Variants in STK3 observed in about 807,000 individuals in gnomAD.
The protein encoded by STK3 is serine/threonine-protein kinase 3.
Under a neutral mutation model 58.0 loss-of-function variants are expected in STK3, and 41 were observed. The observed-to-expected ratio is 0.71, with a 90% CI of 0.55 to 0.92. The LOEUF (loss-of-function observed/expected upper bound fraction) is 0.92. Ranked by LOEUF, STK3 falls within the 40% of genes least tolerant of loss-of-function variation. The probability of loss-of-function intolerance (pLI) is 0.00; values close to 1 mark genes in which losing one functional copy is unlikely to be tolerated. For missense variants in STK3, 479 were observed against 602.7 expected (o/e 0.79, Z 2.15); for synonymous variants, 170 against 191.0 (o/e 0.89, Z 0.91).
chr8:98,743,146 C>T (rs1457269452), intron 4 of STK3, among the ~76,000 whole-genome samples: 1 of 151,842 alleles, frequency 6.6e-6, no homozygotes, highest in East Asian at 1.9e-4. Flanking sequence ...GTGAAAATGG[C>T]CATACTGCCC....
intron 6 of STK3, among the ~76,000 whole-genome samples, chr8:98,690,884 A>T (rs1824357075): frequency 6.6e-6 from 1 of 152,246 alleles, no homozygotes; most frequent in Non-Finnish European, 1.5e-5. Context: ...GGCATAAAAA[A>T]ATAATGGGAT....
chr8:98,681,283 C>G (rs1443829776), intron 6 of STK3, among the ~76,000 whole-genome samples: 1 of 151,952 alleles, frequency 6.6e-6, no homozygotes, highest in Non-Finnish European at 1.5e-5. Context: ...AGGCGTGAGC[C>G]ACTGCACCCG....
At chr8:98,687,003 T>G (rs758523953) in intron 6 of STK3, among the ~76,000 whole-genome samples, 1 of 152,198 alleles carries the variant, frequency 6.6e-6, no homozygotes, top group Non-Finnish European at 1.5e-5. Flanking sequence ...GAAAACATAT[T>G]TGAAGATAGA....
At chr8:98,499,878 G>T (rs1268866378) in intron 10 of STK3, among the ~76,000 whole-genome samples, 2 of 152,122 alleles carry the variant, frequency 1.3e-5, no homozygotes, top group Non-Finnish European at 2.9e-5. Flanking sequence ...AACTGAAATG[G>T]GTTGAGGCTT....
intron 1 of STK3, among the ~76,000 whole-genome samples, chr8:98,382,485 A>C (rs1383992106): frequency 6.6e-6 from 1 of 152,080 alleles, no homozygotes; most frequent in East Asian, 1.9e-4. Context: ...TGAGAGAAAA[A>C]GCCTTCCTTG....
chr8:98,358,954 T>C, the STK3 span, among the ~76,000 whole-genome samples: 1 of 152,064 alleles, frequency 6.6e-6, no homozygotes, highest in East Asian at 1.9e-4. Context: ...CACATGCTCA[T>C]GGAATCCAAG....
At chr8:98,820,629 A>C (rs2131729097) in intron 1 of STK3, among the ~76,000 whole-genome samples, 1 of 152,284 alleles carries the variant, frequency 6.6e-6, no homozygotes, top group South Asian at 2.1e-4. Flanking sequence ...TCTACCTATC[A>C]AAGCTGGACT....
chr8:98,362,620 C>T, the STK3 span, among the ~76,000 whole-genome samples: 1 of 152,206 alleles, frequency 6.6e-6, no homozygotes, highest in African/African-American at 2.4e-5. Context: ...AATGTCCATC[C>T]TTCCCCAGAT....
intron 8 of STK3, among the ~76,000 whole-genome samples, chr8:98,577,560 C>T (rs1225770452): frequency 5.3e-5 from 8 of 152,106 alleles, no homozygotes; most frequent in Non-Finnish European, 7.4e-5. Flanking sequence ...GAGACTACAA[C>T]ATAAAAGACA....
intron 10 of STK3, among the ~76,000 whole-genome samples, chr8:98,520,484 A>C (rs1456857153): frequency 6.6e-6 from 1 of 152,124 alleles, no homozygotes. Flanking sequence ...TGCCTTTCCG[A>C]ATAAGTTTTG....
intron 4 of STK3, among the ~76,000 whole-genome samples, chr8:98,714,569 T>C (rs998735524): frequency 1.6e-4 from 24 of 152,108 alleles, no homozygotes; most frequent in African/African-American, 5.6e-4. Flanking sequence ...GGAATCCAAC[T>C]TACAAGGGAC....
chr8:98,493,214 T>C (rs866717443), intron 10 of STK3, among the ~76,000 whole-genome samples: 5 of 119,768 alleles, frequency 4.2e-5, no homozygotes, highest in African/African-American at 6.6e-5. Flanking sequence ...TCCTGGGCAA[T>C]AGAGCAAGAC....
At chr8:98,747,619 T>C (rs1352506493) in intron 4 of STK3, among the ~76,000 whole-genome samples, 1 of 152,170 alleles carries the variant, frequency 6.6e-6, no homozygotes. Context: ...ATGGTACTCT[T>C]TTTGGATAAT....
chr8:98,472,847 C>T (rs1018344767), intron 10 of STK3, among the ~76,000 whole-genome samples: 1 of 151,690 alleles, frequency 6.6e-6, no homozygotes, highest in African/African-American at 2.4e-5. Flanking sequence ...CTAGCAAAAC[C>T]CACATAACAA....
intron 1 of STK3, among the ~76,000 whole-genome samples, chr8:98,786,890 A>T (rs183027085): frequency 6.6e-6 from 1 of 152,044 alleles, no homozygotes; most frequent in African/African-American, 2.4e-5. Context: ...TCCAAGGTCA[A>T]TGTGGTGCGG....
chr8:98,822,471 T>C (rs758272650), intron 1 of STK3, among the ~76,000 whole-genome samples: 6 of 152,080 alleles, frequency 3.9e-5, no homozygotes, highest in Admixed American at 6.6e-5. Context: ...ACCATCGCAG[T>C]AGGCCCTCAT....
Position 98,813,035 on chromosome 8 carries a change from TA to T in STK3, c.26+12479del, listed in dbSNP as rs11379449. On this transcript the variant is annotated intron_variant, in intron 1 of 10. Transcript: ENST00000419617. ...ATGTACCCTAGAACTTAAAGCACAA[TA>T]AAAAAAAAAAAAAGAAAGTGATGTG... Among the ~76,000 whole-genome samples the T allele has an allele frequency of 1.1e-3, 157 of 146,530 alleles. 1 individual carries two copies. The highest frequency in any genetic ancestry group is 3.0e-3 in the African/African-American group (119 of 40,108).
chr8:98,493,880 A>G (rs570164400), intron 10 of STK3, among the ~76,000 whole-genome samples: 1 of 152,348 alleles, frequency 6.6e-6, no homozygotes, highest in African/African-American at 2.4e-5. Context: ...CTAGTTATTC[A>G]GGTAATCTGG....
upstream of STK3, among the ~76,000 whole-genome samples, chr8:98,389,793 G>A (rs945668246): frequency 1.3e-5 from 2 of 150,572 alleles, no homozygotes; most frequent in Admixed American, 6.7e-5. Context: ...GTGAGATGAA[G>A]CTTCTATTTG....
Sources: allele counts gnomAD v4.1 joint callset (sites outside exome capture counted in the v4.1 genomes callset), GRCh38; gene constraint gnomAD v4.1.1; transcripts MANE v1.5; gene names NCBI Gene and HGNC (gene_info 2026-07-23, HGNC 2026-07-21).